NLGN1: variants seen among roughly 807,000 people sequenced by gnomAD.
NLGN1 encodes neuroligin-1.
A neutral mutation model predicts 65.5 loss-of-function variants in NLGN1; 12 were observed. The ratio of observed to expected loss-of-function variants is 0.18; its 90% CI spans 0.12 to 0.30. The LOEUF (loss-of-function observed/expected upper bound fraction) is 0.30, where lower values mean the gene tolerates loss of function less well. NLGN1 is among the 10% of genes least tolerant of loss of function. The pLI is 1.00. For synonymous variants in NLGN1, 350 were observed against 359.5 expected (o/e 0.97, Z 0.30); for missense variants, 750 against 1,007.1 (o/e 0.74, Z 3.46).
At chr3:173,398,296 C>G (rs1379536392), upstream of NLGN1, among the ~76,000 whole-genome samples, 1 of 152,138 alleles carries the variant, frequency 6.6e-6, no homozygotes, top group Non-Finnish European at 1.5e-5. Flanking sequence ...TGCTCTTCTT[C>G]CCCACAACGT....
intron 3 of NLGN1, among the ~76,000 whole-genome samples, chr3:173,782,896 T>C (rs1210604835): frequency 6.6e-6 from 1 of 151,948 alleles, no homozygotes; most frequent in African/African-American, 2.4e-5. Flanking sequence ...TAAAAATATA[T>C]ATACTAATAC....
At chr3:173,451,185 G>A (rs1329897153) in intron 2 of NLGN1, among the ~76,000 whole-genome samples, 1 of 152,092 alleles carries the variant, frequency 6.6e-6, no homozygotes, top group African/African-American at 2.4e-5. Context: ...CCTCATCTTT[G>A]TGGTTTTATC....
chr3:174,216,177 C>T (rs1473793831), intron 4 of NLGN1, among the ~76,000 whole-genome samples: 1 of 152,118 alleles, frequency 6.6e-6, no homozygotes, highest in Non-Finnish European at 1.5e-5. Context: ...AGTAGCTAAC[C>T]TGAGGCCAGG....
intron 4 of NLGN1, among the ~76,000 whole-genome samples, chr3:174,255,435 C>CAAAAAAAAAAA (rs71162383): frequency 4.3e-5 from 3 of 70,230 alleles, no homozygotes; most frequent in African/African-American, 7.7e-5. Flanking sequence ...GACTCTGTCT[C>CAAAAAAAAAAA]AAAAAAAAAA....
intron 4 of NLGN1, among the ~76,000 whole-genome samples, chr3:173,836,427 A>G (rs772157843): frequency 6.6e-6 from 1 of 152,146 alleles, no homozygotes; most frequent in Non-Finnish European, 1.5e-5. Flanking sequence ...ACTACTAATA[A>G]TAATAGTTTA....
At chr3:173,522,407 C>A (rs1466507345) in intron 2 of NLGN1, among the ~76,000 whole-genome samples, 2 of 152,290 alleles carry the variant, frequency 1.3e-5, no homozygotes, top group East Asian at 3.9e-4. Flanking sequence ...GCAAATAGTG[C>A]TGCAATGAAC....
At chr3:173,526,112 A>T (rs1367132907) in intron 2 of NLGN1, among the ~76,000 whole-genome samples, 1 of 152,110 alleles carries the variant, frequency 6.6e-6, no homozygotes, top group Non-Finnish European at 1.5e-5. Flanking sequence ...TATCTATTAG[A>T]TCCGTAGATA....
chr3:173,712,671 A>G (rs1578081526), intron 3 of NLGN1, among the ~76,000 whole-genome samples: 1 of 152,198 alleles, frequency 6.6e-6, no homozygotes, highest in Non-Finnish European at 1.5e-5. Context: ...AGGAGACATT[A>G]TTCCTGTCAT....
chr3:174,244,486 A>G (rs1269896608), intron 4 of NLGN1, among the ~76,000 whole-genome samples: 1 of 152,198 alleles, frequency 6.6e-6, no homozygotes, highest in Non-Finnish European at 1.5e-5. Context: ...ATACAGAACA[A>G]TGTTTTTCAA....
intron 4 of NLGN1, among the ~76,000 whole-genome samples, chr3:174,228,395 T>C (rs1280484332): frequency 6.6e-6 from 1 of 152,090 alleles, no homozygotes; most frequent in Non-Finnish European, 1.5e-5. Context: ...TCAATCATAG[T>C]TCTGTTAACA....
intron 4 of NLGN1, among the ~76,000 whole-genome samples, chr3:174,223,107 A>G (rs910426052): frequency 6.6e-6 from 1 of 152,106 alleles, no homozygotes; most frequent in African/African-American, 2.4e-5. Flanking sequence ...ATCACTGAAG[A>G]TACTTCAACT....
intron 4 of NLGN1, among the ~76,000 whole-genome samples, chr3:174,025,892 T>A (rs559851598): frequency 6.6e-6 from 1 of 152,334 alleles, no homozygotes; most frequent in African/African-American, 2.4e-5. Context: ...ACAGAATTTG[T>A]ATTTTGTAGA....
intron 2 of NLGN1, among the ~76,000 whole-genome samples, chr3:173,587,309 G>T (rs957654833): frequency 2.6e-5 from 4 of 151,154 alleles, no homozygotes; most frequent in African/African-American, 2.4e-5. Context: ...ACTTGGAGGG[G>T]CTGTATCCTT....
At chr3:173,946,338 G>A (rs1399142522) in intron 4 of NLGN1, among the ~76,000 whole-genome samples, 1 of 152,082 alleles carries the variant, frequency 6.6e-6, no homozygotes, top group Non-Finnish European at 1.5e-5. Flanking sequence ...ATGTGTGTGT[G>A]TACAAATATT....
At chr3:173,792,057 A>G (rs906840693) in intron 3 of NLGN1, among the ~76,000 whole-genome samples, 1 of 152,056 alleles carries the variant, frequency 6.6e-6, no homozygotes. Context: ...TCCCCGAAAT[A>G]CTCCAGCCTG....
chr3:174,274,861 A>G (rs539585608), intron 4 of NLGN1, among the ~76,000 whole-genome samples: 1 of 151,930 alleles, frequency 6.6e-6, no homozygotes, highest in African/African-American at 2.4e-5. Flanking sequence ...CCTGCTCTAC[A>G]CATGTCCATC....
chr3:173,627,251 G>A (rs1451540517), intron 3 of NLGN1, among the ~76,000 whole-genome samples: 1 of 152,066 alleles, frequency 6.6e-6, no homozygotes. Context: ...TTGACTCTGT[G>A]CTTTACAAAT....
chr3:173,931,228 G>T (rs781031480), intron 4 of NLGN1, among the ~76,000 whole-genome samples: 4 of 152,082 alleles, frequency 2.6e-5, no homozygotes, highest in Non-Finnish European at 5.9e-5. Flanking sequence ...AAAATGAGAG[G>T]CTCCACCTTC....
At chr3:173,620,567 C>T (rs1371984028) in intron 3 of NLGN1, among the ~76,000 whole-genome samples, 1 of 151,806 alleles carries the variant, frequency 6.6e-6, no homozygotes, top group Non-Finnish European at 1.5e-5. Flanking sequence ...GGGAAAGGCA[C>T]CAGAAAATAA....
Sources: gnomAD v4.1 joint callset for allele counts (sites outside exome capture counted in the v4.1 genomes callset) on GRCh38, gnomAD v4.1.1 for gene constraint, MANE v1.5 for transcripts, NCBI Gene and HGNC (gene_info 2026-07-23, HGNC 2026-07-21) for gene names.